The following FILIP1 variants were observed in gnomAD, a reference collection of about 807,000 sequenced individuals.
The protein encoded by FILIP1 is filamin-A-interacting protein 1.
A neutral mutation model predicts 102.1 loss-of-function variants in FILIP1; 61 were observed. The observed-to-expected ratio is 0.60, with a 90% CI of 0.49 to 0.74. FILIP1 has a LOEUF of 0.74. Ranked by LOEUF, FILIP1 falls within the 30% of genes least tolerant of loss-of-function variation. The pLI is 0.00. For synonymous variants in FILIP1, 491 were observed against 526.9 expected, an observed-to-expected ratio of 0.93 and a Z score of 0.93; for missense variants, 1,314 against 1,441.2, an observed-to-expected ratio of 0.91 and a Z score of 1.43.
At chr6:75,458,980 G>A (rs1366791274) in intron 1 of FILIP1, 1 of 152,122 alleles carries the variant, frequency 6.6e-6, no homozygotes. Context: ...GATTATTTGG[G>A]GGACAGCCAA....
chr6:75,417,656 T>G (rs1777314062), intron 1 of FILIP1, among the ~76,000 whole-genome samples: 1 of 152,198 alleles, frequency 6.6e-6, no homozygotes, highest in Non-Finnish European at 1.5e-5. Flanking sequence ...TGTTTAGTAT[T>G]TACATCAACC....
intron 2 of FILIP1, among the ~76,000 whole-genome samples, chr6:75,376,046 T>TA (rs995450012): frequency 3.9e-5 from 6 of 152,178 alleles, no homozygotes; most frequent in African/African-American, 1.4e-4. Context: ...CCCCTCCACT[T>TA]AAAAAATATA....
intron 4 of FILIP1, among the ~76,000 whole-genome samples, chr6:75,328,027 A>G (rs1329906443): frequency 6.6e-6 from 1 of 152,192 alleles, no homozygotes; most frequent in Non-Finnish European, 1.5e-5. Context: ...AAAATCCAAA[A>G]TGTGGGCAAC....
chr6:75,453,258 T>G (rs964313283), intron 1 of FILIP1, among the ~76,000 whole-genome samples: 5 of 152,220 alleles, frequency 3.3e-5, no homozygotes, highest in African/African-American at 7.2e-5. Context: ...CTGTACCCAC[T>G]GCAACTTCTA....
intron 1 of FILIP1, among the ~76,000 whole-genome samples, chr6:75,488,926 C>T (rs76039420): frequency 0.011 from 1,706 of 152,134 alleles, 35 homozygotes; most frequent in African/African-American, 0.039. Context: ...GGCAATGAAT[C>T]GCAAGAATTC....
chr6:75,361,270 C>T (rs548702342), intron 3 of FILIP1, among the ~76,000 whole-genome samples: 1 of 152,266 alleles, frequency 6.6e-6, no homozygotes, highest in East Asian at 1.9e-4. Flanking sequence ...AGAAACTCCC[C>T]TCTCTGTGTT....
In FILIP1 at chr6:75,313,470, G is replaced by A; in HGVS notation, c.2362C>T (p.Pro788Ser). The change falls in exon 5 of 6, where the codon CCC becomes TCC. Residue 788 changes from proline (P) to serine (S), a missense_variant. Physicochemically the swap from Pro to Ser is moderately conservative, Grantham distance 74. Coordinates refer to ENST00000237172, the MANE Select transcript of FILIP1 (RefSeq NM_015687.5). This position sits in a 1 kb window ranked among gnomAD's most constrained non-coding sequence, Gnocchi z 4.2. Reference protein sequence around the residue: ...LSKRYSRALRPSVNGRRMVDV... With the variant: ...LSKRYSRALRSSVNGRRMVDV... ...ACCATTCTTCTTCCATTCACACTGG[G>A]CCTAAGAGCTCTGCTGTAGCGCTTG... 6.2e-7 allele frequency: 1 copy of A among 1,614,146 alleles called. No individual in the cohort carries two copies. The highest frequency in any genetic ancestry group is 8.5e-7 in the Non-Finnish European group (1 of 1,180,030).
chr6:75,333,972 G>C (rs1440882053), intron 4 of FILIP1, among the ~76,000 whole-genome samples: 3 of 151,952 alleles, frequency 2.0e-5, no homozygotes, highest in Non-Finnish European at 4.4e-5. Flanking sequence ...GAACAAACAC[G>C]GCTTTCTTTG....
intron 1 of FILIP1, among the ~76,000 whole-genome samples, chr6:75,478,095 A>G (rs1779539295): frequency 6.6e-6 from 1 of 152,202 alleles, no homozygotes; most frequent in African/African-American, 2.4e-5. Context: ...ACTTGCGCCC[A>G]ATGTATGAAA....
intron 1 of FILIP1, among the ~76,000 whole-genome samples, chr6:75,431,651 G>T (rs181133590): frequency 4.1e-4 from 62 of 152,266 alleles, no homozygotes; most frequent in African/African-American, 1.4e-3. Context: ...CAGAGTGAGG[G>T]TGTAGCATAG....
chr6:75,346,215 A>G (rs941110066), intron 4 of FILIP1, among the ~76,000 whole-genome samples: 4 of 152,216 alleles, frequency 2.6e-5, no homozygotes, highest in African/African-American at 9.6e-5. Flanking sequence ...AGAAAGGAAA[A>G]TGTGTTTGAG....
At chr6:75,351,918 T>A (rs542141230) in intron 4 of FILIP1, among the ~76,000 whole-genome samples, 3 of 152,208 alleles carry the variant, frequency 2.0e-5, no homozygotes, top group Non-Finnish European at 4.4e-5. Flanking sequence ...CTCCAGGATG[T>A]CGAATCAGTT....
chr6:75,470,710 A>T (rs1386490792), intron 1 of FILIP1, among the ~76,000 whole-genome samples: 6 of 152,184 alleles, frequency 3.9e-5, no homozygotes, highest in African/African-American at 1.2e-4. Flanking sequence ...AAAAAATAAA[A>T]GTTTGATTTT....
chr6:75,364,892 A>C (rs1181840134), intron 2 of FILIP1, among the ~76,000 whole-genome samples: 1 of 152,152 alleles, frequency 6.6e-6, no homozygotes, highest in Non-Finnish European at 1.5e-5. Flanking sequence ...TCATCCTCAC[A>C]CCCGAGGTCA....
chr6:75,484,498 G>C (rs903698821), intron 1 of FILIP1, among the ~76,000 whole-genome samples: 11 of 151,920 alleles, frequency 7.2e-5, no homozygotes, highest in Non-Finnish European at 1.5e-4. Context: ...TGCGATAACA[G>C]GTTCTCAATA....
intron 1 of FILIP1, chr6:75,465,443 T>C (rs1477897940): frequency 3.4e-6 from 3 of 891,458 alleles, no homozygotes; most frequent in South Asian, 1.5e-5. Context: ...CACTGACCCA[T>C]ATCAATGCTA....
Position 75,314,862 on chromosome 6 carries a change from G to T in FILIP1, c.970C>A (p.Gln324Lys). The T allele has an allele frequency of 6.2e-7, 1 of 1,614,068 alleles. No individual in the cohort carries two copies. Residue 324 changes from glutamine to lysine, a missense_variant, in exon 5 of 6, where the codon CAA becomes AAA. Around this residue, in one of 3 missense-constraint regions of FILIP1, gnomAD observed 494 missense variants for 511.2 expected, o/e 0.97. Coordinates refer to ENST00000237172, the MANE Select transcript of FILIP1 (RefSeq NM_015687.5). The part of the protein sequence containing the change: ...HEEMNAKLAN[Q>K]ESHNRQLRLK... The stretch of plus-strand genomic sequence containing the variant: ...CTAAGTTGCCTATTGTGAGACTCTT[G>T]ATTAGCCAGTTTAGCGTTCATCTCT...
At chr6:75,331,005 G>A (rs1003753407) in intron 4 of FILIP1, among the ~76,000 whole-genome samples, 4 of 152,092 alleles carry the variant, frequency 2.6e-5, no homozygotes, top group Non-Finnish European at 5.9e-5. Flanking sequence ...AAAAGTTCAT[G>A]ACTAATAACA....
At chr6:75,310,943 A>C (rs1489883480) in intron 5 of FILIP1, among the ~76,000 whole-genome samples, 3 of 152,220 alleles carry the variant, frequency 2.0e-5, no homozygotes, top group Non-Finnish European at 4.4e-5. Flanking sequence ...AATCATATTA[A>C]GAATATAGGA....
Sources: gnomAD v4.1 joint callset for allele counts (sites outside exome capture counted in the v4.1 genomes callset) on GRCh38, gnomAD v4.1.1 for gene constraint, gnomAD v4.1.1 regional missense constraint, Gnocchi (gnomAD v3.1) non-coding constraint, MANE v1.5 for transcripts, NCBI Gene and HGNC (gene_info 2026-07-23, HGNC 2026-07-21) for gene names.